SHANK2: variants seen among roughly 807,000 people sequenced by gnomAD.
The protein encoded by SHANK2 is SH3 and multiple ankyrin repeat domains protein 2.
Under a neutral mutation model 133.7 loss-of-function variants are expected in SHANK2, and 43 were observed. The ratio of observed to expected loss-of-function variants is 0.32; its 90% CI spans 0.25 to 0.41. The LOEUF (loss-of-function observed/expected upper bound fraction) is 0.41, where lower values mean the gene tolerates loss of function less well. SHANK2 is among the 10% of genes least tolerant of loss of function. The pLI is 1.00. For missense variants in SHANK2, 1,994 were observed against 2,235.8 expected, an observed-to-expected ratio of 0.89 and a Z score of 2.18; for synonymous variants, 1,017 against 952.8, an observed-to-expected ratio of 1.07 and a Z score of -1.24.
chr11:70,770,819 A>G (rs782189501), intron 14 of SHANK2, among the ~76,000 whole-genome samples: 8 of 151,722 alleles, frequency 5.3e-5, no homozygotes, highest in Non-Finnish European at 1.2e-4. Context: ...AGAGTGCTCC[A>G]GAAGTTAACA....
At chr11:70,885,836 C>G (rs1425068811) in intron 11 of SHANK2, among the ~76,000 whole-genome samples, 1 of 152,198 alleles carries the variant, frequency 6.6e-6, no homozygotes, top group Non-Finnish European at 1.5e-5. Context: ...CCCAACCCAA[C>G]ACGCTGGCCA....
At chr11:70,718,317 CA>C (rs1468204691) in intron 14 of SHANK2, among the ~76,000 whole-genome samples, 4 of 152,244 alleles carry the variant, frequency 2.6e-5, no homozygotes, top group African/African-American at 9.6e-5. Context: ...GCCGGGCAGC[CA>C]AGCCCGTTTT....
chr11:70,743,857 C>A (rs532890), intron 14 of SHANK2, among the ~76,000 whole-genome samples: 5 of 151,944 alleles, frequency 3.3e-5, no homozygotes, highest in African/African-American at 7.3e-5. Context: ...CTTTCCTACC[C>A]GGCTGCTGCG....
chr11:70,644,848 A>C (rs12277496), intron 17 of SHANK2, among the ~76,000 whole-genome samples: 14,091 of 152,174 alleles, frequency 0.093, 848 homozygotes, highest in East Asian at 0.29. Flanking sequence ...CCTCAGACAA[A>C]CACGTGGAGA....
intron 11 of SHANK2, chr11:70,862,896 T>G: frequency 3.8e-6 from 1 of 262,668 alleles, no homozygotes; most frequent in African/African-American, 2.2e-5. Context: ...GAGACATGGG[T>G]GTGGGGCTGA....
chr11:71,199,257 T>C (rs1335087325), intron 2 of SHANK2, among the ~76,000 whole-genome samples: 1 of 152,224 alleles, frequency 6.6e-6, no homozygotes, highest in Non-Finnish European at 1.5e-5. Context: ...GGAGCTTTAC[T>C]TCCCACCTCA....
At chr11:70,729,140 G>T (rs750829664) in intron 14 of SHANK2, among the ~76,000 whole-genome samples, 52 of 151,152 alleles carry the variant, frequency 3.4e-4, no homozygotes, top group Non-Finnish European at 6.6e-4. Context: ...GGAGGCAGAG[G>T]TTGCCGAGAT....
chr11:70,547,895 T>TGA (rs1206348396), intron 17 of SHANK2, among the ~76,000 whole-genome samples: 4 of 152,380 alleles, frequency 2.6e-5, no homozygotes, highest in Non-Finnish European at 5.9e-5. Flanking sequence ...CTGAGCTTCA[T>TGA]GGCAGCAGAG....
intron 17 of SHANK2, among the ~76,000 whole-genome samples, chr11:70,561,449 A>G (rs782605961): frequency 2.0e-5 from 3 of 151,706 alleles, no homozygotes; most frequent in Non-Finnish European, 4.4e-5. Flanking sequence ...CAAAGAACCA[A>G]CTTTTGGTTG....
chr11:71,232,202 G>C (rs1954752664), intron 1 of SHANK2, among the ~76,000 whole-genome samples: 1 of 152,114 alleles, frequency 6.6e-6, no homozygotes, highest in South Asian at 2.1e-4. Context: ...ACAGATGAGT[G>C]GTTACCAGGG....
intron 1 of SHANK2, among the ~76,000 whole-genome samples, chr11:71,238,333 G>A (rs1367634409): frequency 6.6e-6 from 1 of 152,228 alleles, no homozygotes; most frequent in Non-Finnish European, 1.5e-5. Flanking sequence ...ACTAATGACA[G>A]TAAGAACAGT....
chr11:70,581,842 G>A (rs1554985553), intron 17 of SHANK2, among the ~76,000 whole-genome samples: 2 of 152,378 alleles, frequency 1.3e-5, no homozygotes, highest in East Asian at 3.9e-4. Context: ...GCTCTGAGCT[G>A]TGTGAGCGGT....
chr11:71,212,786 G>A (rs1295841262), intron 2 of SHANK2, among the ~76,000 whole-genome samples: 1 of 152,206 alleles, frequency 6.6e-6, no homozygotes, highest in Non-Finnish European at 1.5e-5. Flanking sequence ...CTTGCCACCA[G>A]GAATCCCTGC....
At chr11:70,744,191 G>A (rs1257189362) in intron 14 of SHANK2, among the ~76,000 whole-genome samples, 8 of 152,344 alleles carry the variant, frequency 5.3e-5, no homozygotes, top group South Asian at 2.1e-4. Flanking sequence ...CTGGCAAGTC[G>A]CCACCCCCAT....
At chr11:70,589,980 C>T (rs367595806) in intron 17 of SHANK2, among the ~76,000 whole-genome samples, 65 of 152,218 alleles carry the variant, frequency 4.3e-4, no homozygotes, top group African/African-American at 1.4e-3. Context: ...AGTGAAACCC[C>T]GTCTCTACTA....
intron 10 of SHANK2, among the ~76,000 whole-genome samples, chr11:70,899,382 G>A (rs1412549735): frequency 1.3e-5 from 2 of 152,160 alleles, no homozygotes; most frequent in Non-Finnish European, 2.9e-5. Context: ...TAAGATTCCT[G>A]AGGGCTCCCC....
chr11:70,953,664 A>G (rs1555087130), intron 10 of SHANK2, among the ~76,000 whole-genome samples: 1 of 152,148 alleles, frequency 6.6e-6, no homozygotes, highest in Non-Finnish European at 1.5e-5. Context: ...CCGTGCTAGC[A>G]GCCAACTGGA....
At chr11:71,212,622 C>T (rs1954306472) in intron 2 of SHANK2, among the ~76,000 whole-genome samples, 1 of 152,120 alleles carries the variant, frequency 6.6e-6, no homozygotes, top group Admixed American at 6.5e-5. Context: ...CATCTTTGGC[C>T]GAGATGGAAG....
At chr11:70,580,395 C>T (rs1403452534) in intron 17 of SHANK2, among the ~76,000 whole-genome samples, 1 of 152,248 alleles carries the variant, frequency 6.6e-6, no homozygotes, top group Non-Finnish European at 1.5e-5. Context: ...CTGAACATCC[C>T]TTTGTCACTG....
Sources: allele counts gnomAD v4.1 joint callset (sites outside exome capture counted in the v4.1 genomes callset), GRCh38; gene constraint gnomAD v4.1.1; transcripts MANE v1.5; gene names NCBI Gene and HGNC (gene_info 2026-07-23, HGNC 2026-07-21).